ATP8B2: variants seen among roughly 807,000 people sequenced by gnomAD.
ATP8B2 encodes phospholipid-transporting ATPase ID.
A neutral mutation model predicts 133.4 loss-of-function variants in ATP8B2; 70 were observed. That is an observed-to-expected ratio of 0.52 (90% CI 0.43 to 0.64). ATP8B2 has a LOEUF of 0.64. Ranked by LOEUF, ATP8B2 falls within the 30% of genes least tolerant of loss-of-function variation. The probability of loss-of-function intolerance (pLI) is 0.00; values close to 1 mark genes in which losing one functional copy is unlikely to be tolerated. For synonymous variants in ATP8B2, 517 were observed against 589.5 expected, an observed-to-expected ratio of 0.88 and a Z score of 1.78; for missense variants, 1,101 against 1,535.7, an observed-to-expected ratio of 0.72 and a Z score of 4.73.
In ATP8B2 at chr1:154,345,505, TC is replaced by T; in HGVS notation, c.2656del (p.His886ThrfsTer60). 6.2e-7 allele frequency: 1 copy of T among 1,614,146 alleles called. No individual in the cohort carries two copies. Among genetic ancestry groups the T allele is most frequent in the Non-Finnish European group, 8.5e-7 (1 of 1,180,024 alleles). On this transcript the variant is annotated frameshift_variant, in exon 23 of 28. Transcript: ENST00000368489. LOFTEE classifies it high-confidence loss of function. This position sits in a 1 kb window ranked among gnomAD's most constrained non-coding sequence, Gnocchi z 5.6. Reference sequence around the variant, plus strand: ...TACAAAAACTTTGCTTTCACCATGGTCCACTTCTGGTTTGGCTTCTTCTGTG... The same window carrying T: ...TACAAAAACTTTGCTTTCACCATGGTCACTTCTGGTTTGGCTTCTTCTGTG... ...FFYKNFAFTMVHFWFGFFCGF... is the reference protein window; with the variant it reads ...FFYKNFAFTMXHFWFGFFCGF...
At chr1:154,333,993 A>T in intron 9 of ATP8B2, 114 bp from the exon 10 acceptor site, 1 of 1,285,216 alleles carries the variant, frequency 7.8e-7, no homozygotes, top group Non-Finnish European at 1.1e-6. Context: ...CAGCATATGG[A>T]TGGGCCCTTG....
At chr1:154,333,663 T>A (rs6661176) in intron 9 of ATP8B2, among the ~76,000 whole-genome samples, 42,766 of 138,434 alleles carry the variant, frequency 0.31, 6,494 homozygotes, top group Middle Eastern at 0.41. Flanking sequence ...TTTTTTTTTT[T>A]AAATACTCCT....
At position 154,337,543 on chromosome 1, in the gene ATP8B2, A is replaced by G. The variant is rs759199818; in HGVS notation, c.1033A>G (p.Ser345Gly). The G allele has an allele frequency of 1.9e-6, 3 of 1,614,056 alleles. No individual in the cohort carries two copies. ...CGTTGTGCCCATTTCACTCTATGTC[A>G]GGTATGTGCCTTCTCTGACCTGGGG... is the stretch of plus-strand genomic sequence containing the variant. ...NTVVPISLYV[S>G]VEVIRLGHSY... The change falls in exon 12 of 28, where the codon AGT (serine) becomes GGT (glycine). Residue 345 changes from serine to glycine, a missense_variant and splice_region_variant. By Grantham distance (56) the Ser-to-Gly change is moderately conservative. Coordinates refer to ENST00000368489, the MANE Select transcript of ATP8B2 (RefSeq NM_001370597.1).
rs752671272 is a variant in ATP8B2 at position 154,344,829 on chromosome 1, G to A, written c.2286+44G>A. 9 of 1,572,218 alleles carry A rather than the reference G, an allele frequency of 5.7e-6. No homozygotes were observed. In the East Asian group the frequency reaches 1.1e-4, roughly 20 times the overall value. On this transcript the variant is annotated intron_variant, in intron 21 of 27. Transcript: ENST00000368489. The surrounding 1 kb of genome is among the most constrained non-coding windows in gnomAD (Gnocchi z 4.1). ...AGCTTGGGCAGTATCTTTCCAGTGA[G>A]CACTTCTGTCCAGGGCTTTTATATC...
At chr1:154,332,463 C>T (rs1436512181) in intron 8 of ATP8B2, among the ~76,000 whole-genome samples, 155 bp from the exon 9 acceptor site, 5 of 151,962 alleles carry the variant, frequency 3.3e-5, no homozygotes, top group South Asian at 4.1e-4. Flanking sequence ...GAGGCTGAGG[C>T]GGGAGGATTG....
chr1:154,337,115 T>G (rs1389838818), intron 11 of ATP8B2, among the ~76,000 whole-genome samples: 2 of 76,334 alleles, frequency 2.6e-5, no homozygotes, highest in East Asian at 1.3e-3. Context: ...GTTTTTTTTT[T>G]TTTTATAATT....
chr1:154,346,498 C>A lies in ATP8B2; in HGVS notation c.3024+22C>A, dbSNP rs769006945. The A allele has an allele frequency of 8.1e-6, 13 of 1,606,054 alleles. No individual in the cohort carries two copies. The highest frequency in any genetic ancestry group is 1.1e-5 in the Non-Finnish European group (13 of 1,174,882). ...GCAGGTATGAGGCCATCCAGGAACT[C>A]CCCTCTTCTCTGGAAGGAGTGAGCC... On this transcript the variant is annotated intron_variant, in intron 25 of 27. Coordinates refer to ENST00000368489, the MANE Select transcript of ATP8B2 (RefSeq NM_001370597.1). This position sits in a 1 kb window ranked among gnomAD's most constrained non-coding sequence, Gnocchi z 4.5.
At chr1:154,326,594 C>T (rs572316741) in intron 1 of ATP8B2, among the ~76,000 whole-genome samples, 7 of 152,168 alleles carry the variant, frequency 4.6e-5, no homozygotes, top group Non-Finnish European at 1.0e-4. Context: ...GGAATGATGG[C>T]CCCCCCAGAG....
chr1:154,330,548 A>G, intron 3 of ATP8B2, 94 bp downstream of exon 3: 1 of 1,390,564 alleles, frequency 7.2e-7, no homozygotes, highest in Non-Finnish European at 1.0e-6. Context: ...CTGCCTGGGA[A>G]GAGTGCTTGG....
Position 154,346,394 on chromosome 1 carries a change from G to A in ATP8B2, c.2942G>A (p.Arg981Gln), listed in dbSNP as rs754105181. Residue 981 changes from arginine (R) to glutamine (Q), a missense_variant, in exon 25 of 28, where the codon CGG becomes CAG. Transcript: ENST00000368489. The surrounding 1 kb of genome is among the most constrained non-coding windows in gnomAD (Gnocchi z 4.5). ...IPYGVFADAT[R>Q]DDGTQLADYQ... ...TATGGGGTGTTTGCTGATGCCACCC[G>A]GGATGATGGCACTCAGCTGGCTGAC... The A allele has an allele frequency of 6.8e-6, 11 of 1,614,026 alleles. No individual in the cohort carries two copies. The highest frequency in any genetic ancestry group is 4.5e-5 in the East Asian group (2 of 44,898).
In ATP8B2 at chr1:154,349,231, G is replaced by A. The variant is rs915772804; in HGVS notation, c.*113G>A. On this transcript the variant is annotated 3_prime_UTR_variant, in exon 28 of 28. Transcript: ENST00000368489. The stretch of plus-strand genomic sequence containing the variant: ...CTCATTCCTTGCTTCCCGTCCCCCC[G>A]GTAGACTCTGTCCTGCTGGTCCCAC... 6.5e-5 allele frequency: 88 copies of A among 1,347,486 alleles called. 1 individual carries two copies. The highest frequency in any genetic ancestry group is 2.0e-4 in the Admixed American group (9 of 44,714). The allele number at this position is 1,347,486 out of a possible 1,614,324, so 83.5% of individuals were successfully genotyped here. A position where few individuals can be genotyped will look rare whatever the true frequency, so the allele number is the denominator to read the frequency against.
Position 154,343,787 on chromosome 1 carries a change from A to C in ATP8B2, c.1759-106A>C. 7.5e-7 allele frequency: 1 copy of C among 1,338,520 alleles called. No individual in the cohort carries two copies. The highest frequency in any genetic ancestry group is 1.4e-5 in the South Asian group (1 of 71,804). 82.9% of individuals were successfully genotyped at this position (1,338,520 alleles called of 1,614,324 possible). A position where few individuals can be genotyped will look rare whatever the true frequency, so the allele number is the denominator to read the frequency against. On this transcript the variant is annotated intron_variant, in intron 17 of 27. Coordinates refer to ENST00000368489, the MANE Select transcript of ATP8B2 (RefSeq NM_001370597.1). The surrounding 1 kb of genome is among the most constrained non-coding windows in gnomAD (Gnocchi z 5.8). Reference sequence around the variant, plus strand: ...TGTGGTGACAGTCCCTAACTGTGGAATGTGGCACACACCCAGTCTACAGTG... The same window carrying C: ...TGTGGTGACAGTCCCTAACTGTGGACTGTGGCACACACCCAGTCTACAGTG...
intron 2 of ATP8B2, 82 bp from the exon 3 acceptor site, chr1:154,330,314 G>GA (rs1489161577): frequency 5.5e-6 from 7 of 1,280,250 alleles, no homozygotes; most frequent in South Asian, 3.7e-5. Context: ...ATATTCTGTG[G>GA]AAAAAAACAG....
At chr1:154,342,735 C>T (rs1257768283) in intron 14 of ATP8B2, 61 bp from the exon 15 acceptor site, 2 of 1,577,780 alleles carry the variant, frequency 1.3e-6, no homozygotes, top group Non-Finnish European at 1.7e-6. Flanking sequence ...AGGGATGAAC[C>T]CTTCCCCGGG....
chr1:154,326,471 G>T (rs1685795703), intron 1 of ATP8B2, among the ~76,000 whole-genome samples: 2 of 152,128 alleles, frequency 1.3e-5, no homozygotes, highest in Non-Finnish European at 2.9e-5. Context: ...GGGTGACGGG[G>T]CAGGGCAACG....
intron 1 of ATP8B2, among the ~76,000 whole-genome samples, chr1:154,326,026 C>T (rs752027674): frequency 1.3e-5 from 2 of 152,090 alleles, no homozygotes; most frequent in Non-Finnish European, 2.9e-5. Flanking sequence ...CCAGGGGAGA[C>T]CCGCCCAGAG....
rs746418414 is a variant in ATP8B2, at chr1:154,349,157, C to T, written c.*39C>T. Reference sequence around the variant, plus strand: ...ATGCCCTGTGCCAGTGACCAGAGCACCCAGGGCTGGCCAGTCACTGAGGGA... The same window carrying T: ...ATGCCCTGTGCCAGTGACCAGAGCATCCAGGGCTGGCCAGTCACTGAGGGA... On this transcript the variant is annotated 3_prime_UTR_variant, in exon 28 of 28. Transcript: ENST00000368489. 107 of 1,595,040 alleles carry T rather than the reference C, an allele frequency of 6.7e-5. No individual in the cohort carries two copies. The highest frequency in any genetic ancestry group is 8.6e-5 in the Non-Finnish European group (101 of 1,167,916).
In ATP8B2 at chr1:154,348,858, G is replaced by A. The variant is rs780327470; in HGVS notation, c.3313G>A (p.Val1105Met). 9.3e-6 allele frequency: 15 copies of A among 1,606,666 alleles called. No individual in the cohort carries two copies. Among genetic ancestry groups the A allele is most frequent in the East Asian group, 2.2e-5 (1 of 44,656 alleles). Reference protein sequence around the residue: ...LSDTVRYTQLVRKKQKAQHRC... With the variant: ...LSDTVRYTQLMRKKQKAQHRC... The stretch of plus-strand genomic sequence containing the variant: ...TCTGCAGGTCCGCTACACACAGCTC[G>A]TGAGGAAGAAGCAGAAGGCCCAGCA... The change falls in exon 28 of 28, where the codon GTG (valine) becomes ATG (methionine). Residue 1105 changes from valine to methionine, a missense_variant. Val to Met is a conservative substitution (Grantham distance 21). Coordinates refer to ENST00000368489, the MANE Select transcript of ATP8B2 (RefSeq NM_001370597.1).
intron 11 of ATP8B2, among the ~76,000 whole-genome samples, chr1:154,335,380 T>G (rs1425458205): frequency 6.6e-6 from 1 of 152,192 alleles, no homozygotes; most frequent in African/African-American, 2.4e-5. Flanking sequence ...CTCCAAAATT[T>G]ATAAGATTTT....
Sources: allele counts gnomAD v4.1 joint callset (sites outside exome capture counted in the v4.1 genomes callset), GRCh38; gene constraint gnomAD v4.1.1; non-coding constraint Gnocchi (gnomAD v3.1); transcripts MANE v1.5; gene names NCBI Gene and HGNC (gene_info 2026-07-23, HGNC 2026-07-21).